CELF2: variants seen among roughly 807,000 people sequenced by gnomAD.
The protein encoded by CELF2 is CUG triplet repeat RNA-binding protein 2.
CELF2 carries 8 observed loss-of-function variants against 62.6 expected under a neutral mutation model. That is an observed-to-expected ratio of 0.13 (90% CI 0.07 to 0.23). CELF2 has a LOEUF of 0.23. Ranked by LOEUF, CELF2 falls within the 10% of genes least tolerant of loss-of-function variation. CELF2 has a pLI of 1.00. For missense variants in CELF2, 333 were observed against 671.0 expected, an observed-to-expected ratio of 0.50 and a Z score of 5.56; for synonymous variants, 258 against 250.0, an observed-to-expected ratio of 1.03 and a Z score of -0.30.
At chr10:11,032,079 G>A (rs777869110) in intron 1 of CELF2, among the ~76,000 whole-genome samples, 1 of 147,388 alleles carries the variant, frequency 6.8e-6, no homozygotes, top group Non-Finnish European at 1.5e-5. Flanking sequence ...CCTTCTTGGG[G>A]CAGGTGCGAT....
the CELF2 span, among the ~76,000 whole-genome samples, chr10:10,667,808 C>T: frequency 1.3e-5 from 2 of 152,196 alleles, no homozygotes; most frequent in African/African-American, 4.8e-5. Flanking sequence ...GGGACATAGT[C>T]CATGCCATTT....
chr10:10,792,158 A>G, the CELF2 span, among the ~76,000 whole-genome samples: 5 of 152,326 alleles, frequency 3.3e-5, no homozygotes, highest in South Asian at 1.0e-3. Context: ...ATGTTTTGAC[A>G]TGCTAAACGG....
chr10:10,705,141 G>A, the CELF2 span, among the ~76,000 whole-genome samples: 23 of 152,080 alleles, frequency 1.5e-4, no homozygotes, highest in Non-Finnish European at 2.8e-4. Context: ...AGCTGTGATC[G>A]TGCCGCTGCA....
intron 12 of CELF2, 116 bp downstream of exon 12, chr10:11,326,095 C>CCTG: frequency 9.6e-7 from 1 of 1,041,386 alleles, no homozygotes; most frequent in Non-Finnish European, 1.4e-6. Flanking sequence ...TTGTGTTGGG[C>CCTG]TCTGATTTTC....
the CELF2 span, among the ~76,000 whole-genome samples, chr10:10,560,493 C>G: frequency 6.6e-6 from 1 of 152,042 alleles, no homozygotes; most frequent in East Asian, 1.9e-4. Flanking sequence ...TCCATCCTAC[C>G]CTGTCTTTGA....
chr10:10,541,434 A>C, the CELF2 span, among the ~76,000 whole-genome samples: 6 of 152,292 alleles, frequency 3.9e-5, no homozygotes, highest in Non-Finnish European at 1.5e-5. Context: ...AAAGGAAAAA[A>C]GAATGGCTAC....
the CELF2 span, among the ~76,000 whole-genome samples, chr10:10,724,287 T>C: frequency 1.1e-4 from 16 of 152,314 alleles, no homozygotes; most frequent in East Asian, 2.7e-3. Flanking sequence ...AATTTCCTCA[T>C]TGATAAAGTG....
At chr10:10,971,045 T>C (rs1386728488) in intron 2 of CELF2, among the ~76,000 whole-genome samples, 1 of 152,148 alleles carries the variant, frequency 6.6e-6, no homozygotes, top group Non-Finnish European at 1.5e-5. Flanking sequence ...ATCCTAAAAG[T>C]TGTTTTTTGG....
At position 11,156,299 on chromosome 10, in the gene CELF2, A is replaced by C. The variant is rs1267543033; in HGVS notation, c.75-9187A>C. Among the ~76,000 whole-genome samples the C allele has an allele frequency of 6.6e-6, 1 of 152,192 alleles. No individual in the cohort carries two copies. Among genetic ancestry groups the C allele is most frequent in the African/African-American group, 2.4e-5 (1 of 41,452 alleles). On this transcript the variant is annotated intron_variant, in intron 1 of 12. Coordinates refer to ENST00000633077, the MANE Select transcript of CELF2 (RefSeq NM_001326342.2). The surrounding 1 kb of genome is among the most constrained non-coding windows in gnomAD (Gnocchi z 4.3). ...GCTCTTAATAGTGGCGACAGATCACATGACGTGTGATTTAATTTTACTGCT... is the reference window on the plus strand; with the variant it reads ...GCTCTTAATAGTGGCGACAGATCACCTGACGTGTGATTTAATTTTACTGCT...
intron 1 of CELF2, among the ~76,000 whole-genome samples, chr10:11,009,667 A>C (rs2056075554): frequency 6.6e-6 from 1 of 152,186 alleles, no homozygotes; most frequent in Admixed American, 6.5e-5. Flanking sequence ...ACTTCAGCCC[A>C]TTCCAGGTTG....
intron 1 of CELF2, among the ~76,000 whole-genome samples, chr10:11,108,568 C>CG (rs989608854): frequency 2.4e-4 from 36 of 152,216 alleles, no homozygotes; most frequent in African/African-American, 8.7e-4. Flanking sequence ...TAGGGCTTGG[C>CG]GGGAGGGTTC....
chr10:10,991,116 C>A (rs897885544), intron 2 of CELF2, among the ~76,000 whole-genome samples: 1 of 151,936 alleles, frequency 6.6e-6, no homozygotes, highest in Non-Finnish European at 1.5e-5. Flanking sequence ...CATAAAACAG[C>A]GGCTTTAATC....
chr10:10,937,009 G>A (rs949008760), intron 2 of CELF2, among the ~76,000 whole-genome samples: 7 of 151,876 alleles, frequency 4.6e-5, no homozygotes, highest in East Asian at 1.9e-4. Flanking sequence ...TCTCTCATCC[G>A]GAGCTTTAAG....
At chr10:10,909,576 G>A (rs2063631045) in intron 1 of CELF2, among the ~76,000 whole-genome samples, 1 of 152,152 alleles carries the variant, frequency 6.6e-6, no homozygotes, top group Non-Finnish European at 1.5e-5. Context: ...TGGCTTTTGT[G>A]TTTTCATTTC....
chr10:10,539,792 G>C, the CELF2 span, among the ~76,000 whole-genome samples: 1 of 152,182 alleles, frequency 6.6e-6, no homozygotes, highest in East Asian at 1.9e-4. Context: ...ATTTGAAATA[G>C]CACAGGAAAT....
the CELF2 span, among the ~76,000 whole-genome samples, chr10:10,659,417 G>T: frequency 2.0e-5 from 3 of 152,158 alleles, no homozygotes; most frequent in Non-Finnish European, 4.4e-5. Flanking sequence ...TGTCATGTAG[G>T]TTATTTTCCT....
chr10:11,267,625 C>A lies in CELF2; in HGVS notation c.618+948C>A, dbSNP rs1374862760. Among the ~76,000 whole-genome samples, 1 of 152,082 alleles carries A rather than the reference C, an allele frequency of 6.6e-6. No individual in the cohort carries two copies. Among genetic ancestry groups the A allele is most frequent in the East Asian group, 1.9e-4 (1 of 5,192 alleles). On this transcript the variant is annotated intron_variant, in intron 6 of 12. Coordinates refer to ENST00000633077, the MANE Select transcript of CELF2 (RefSeq NM_001326342.2). The surrounding 1 kb of genome is among the most constrained non-coding windows in gnomAD (Gnocchi z 4.4). ...TCAATTTTATTTAATATGCAAAAAA[C>A]TTTTTTCTTGATTGAGCTTCTGTTT...
chr10:10,817,048 G>T (rs902426255), intron 1 of CELF2, among the ~76,000 whole-genome samples: 2 of 152,180 alleles, frequency 1.3e-5, no homozygotes, highest in African/African-American at 4.8e-5. Flanking sequence ...TTTCCAGATG[G>T]TACAGAACCA....
At chr10:10,558,822 T>C in the CELF2 span, among the ~76,000 whole-genome samples, 1 of 152,178 alleles carries the variant, frequency 6.6e-6, no homozygotes, top group African/African-American at 2.4e-5. Flanking sequence ...GTTATTTGCC[T>C]AGAGGGGTTT....
Sources: gnomAD v4.1 joint callset for allele counts (sites outside exome capture counted in the v4.1 genomes callset) on GRCh38, gnomAD v4.1.1 for gene constraint, Gnocchi (gnomAD v3.1) non-coding constraint, MANE v1.5 for transcripts, NCBI Gene and HGNC (gene_info 2026-07-23, HGNC 2026-07-21) for gene names.